COQ8B: variants seen among roughly 807,000 people sequenced by gnomAD.
COQ8B encodes atypical kinase COQ8B, mitochondrial.
COQ8B carries 44 observed loss-of-function variants against 62.0 expected under a neutral mutation model. The ratio of observed to expected loss-of-function variants is 0.71; its 90% CI spans 0.56 to 0.91. COQ8B has a LOEUF of 0.91. Among genes scored for constraint, COQ8B ranks in the 40% least tolerant of loss-of-function variants. The pLI, the probability that COQ8B is intolerant of heterozygous loss-of-function variation, is 0.00. For missense variants in COQ8B, 649 were observed against 731.6 expected, an observed-to-expected ratio of 0.89 and a Z score of 1.30; for synonymous variants, 252 against 289.9, an observed-to-expected ratio of 0.87 and a Z score of 1.33.
At position 40,705,402 on chromosome 19, in the gene COQ8B, T is replaced by C. The variant is rs373602478; in HGVS notation, c.413A>G (p.Asn138Ser). 4 of 1,594,392 alleles carry C rather than the reference T, an allele frequency of 2.5e-6. No individual in the cohort carries two copies. Among genetic ancestry groups the C allele is most frequent in the East Asian group, 2.3e-5 (1 of 44,154 alleles). ...TAAGGTCTGCACAATCCGCTCGGCA[T>C]TGGCCTCCGACAGGAAGGGGCTGGA... ...LDSSPFLSEA[N>S]AERIVQTLCT... The change falls in exon 6 of 15, where the codon AAT (asparagine) becomes AGT (serine). Residue 138 changes from asparagine to serine, a missense_variant. Physicochemically the swap from Asn to Ser is conservative, Grantham distance 46 (BLOSUM62 1). Coordinates refer to ENST00000324464, the MANE Select transcript of COQ8B (RefSeq NM_024876.4).
chr19:40,713,474 G>A (rs908118288), intron 4 of COQ8B, among the ~76,000 whole-genome samples: 3 of 151,884 alleles, frequency 2.0e-5, no homozygotes, highest in African/African-American at 7.3e-5. Context: ...GCTTGAACCC[G>A]GGAGGTGGAG....
At chr19:40,712,491 G>A (rs982070316) in intron 4 of COQ8B, among the ~76,000 whole-genome samples, 2 of 152,022 alleles carry the variant, frequency 1.3e-5, no homozygotes, top group Admixed American at 6.6e-5. Context: ...AGGAGGCTGA[G>A]GCAGGAGAAT....
At chr19:40,713,738 A>AC (rs1383234931) in intron 4 of COQ8B, among the ~76,000 whole-genome samples, 2 of 145,010 alleles carry the variant, frequency 1.4e-5, no homozygotes, top group Non-Finnish European at 3.0e-5. Context: ...AAAAAAAATT[A>AC]CCCGGGCGGA....
intron 5 of COQ8B, among the ~76,000 whole-genome samples, chr19:40,709,255 T>C (rs547214244): frequency 1.3e-5 from 2 of 152,326 alleles, no homozygotes; most frequent in South Asian, 4.1e-4. Context: ...CAAAAAGTCT[T>C]TCATGGCTGT....
At position 40,703,562 on chromosome 19, in the gene COQ8B, T is replaced by C; in HGVS notation, c.778A>G (p.Met260Val). ...DVQNLLAVLKMSAALPAGLFA... is the reference protein window; with the variant it reads ...DVQNLLAVLKVSAALPAGLFA... ...TCACCCGCGGGCAGGGCCGCGCTCA[T>C]CTTGAGTACCGCCAGCAGGTTCTGG... Residue 260 changes from methionine to valine, a missense_variant, in exon 9 of 15, where the codon ATG becomes GTG. By Grantham distance (21) the Met-to-Val change is conservative (BLOSUM62 1). Transcript: ENST00000324464. 2 of 1,609,046 alleles carry C rather than the reference T, an allele frequency of 1.2e-6. No homozygotes were observed. Among genetic ancestry groups the C allele is most frequent in the East Asian group, 2.2e-5 (1 of 44,738 alleles).
In COQ8B at chr19:40,710,155, A is replaced by T. The variant is rs370962456; in HGVS notation, c.290-19T>A. ...GCCAGTCCTGGAGTGCAAGAGAAGA[A>T]CATGAGTGCCCGTTTGCCTGGGGTG... On this transcript the variant is annotated intron_variant, in intron 4 of 14. Transcript: ENST00000324464. 3 of 1,613,326 alleles carry T rather than the reference A, an allele frequency of 1.9e-6. No homozygotes were observed. The highest frequency in any genetic ancestry group is 2.5e-6 in the Non-Finnish European group (3 of 1,179,434).
chr19:40,697,291 T>C (rs2082021816), intron 12 of COQ8B, among the ~76,000 whole-genome samples: 3 of 152,030 alleles, frequency 2.0e-5, no homozygotes. Context: ...TTGAAACATT[T>C]TTTGTAGAGA....
intron 12 of COQ8B, among the ~76,000 whole-genome samples, chr19:40,697,079 TA>T (rs1275639372): frequency 1.3e-5 from 2 of 152,096 alleles, no homozygotes; most frequent in African/African-American, 4.8e-5. Context: ...TCCTTCTTTT[TA>T]AATATGTTTA....
At chr19:40,697,849 TATAGAG>T (rs2082027876) in intron 12 of COQ8B, among the ~76,000 whole-genome samples, 1 of 60,722 alleles carries the variant, frequency 1.6e-5, no homozygotes, top group African/African-American at 8.1e-5. Context: ...TATATATATA[TATAGAG>T]AGAGAGAGAG....
At chr19:40,705,044 C>T in intron 7 of COQ8B, 52 bp downstream of exon 7, 1 of 1,510,798 alleles carries the variant, frequency 6.6e-7, no homozygotes. Flanking sequence ...TCAGGCAGGT[C>T]AGAGGAGATG....
intron 4 of COQ8B, among the ~76,000 whole-genome samples, chr19:40,710,656 A>G (rs2144712657): frequency 6.6e-6 from 1 of 151,948 alleles, no homozygotes; most frequent in East Asian, 1.9e-4. Flanking sequence ...CCCTTTCTCC[A>G]TGTCTCTGTC....
In COQ8B at chr19:40,703,458, C is replaced by G. The variant is rs1599631196; in HGVS notation, c.799+83G>C. 4.3e-6 allele frequency: 6 copies of G among 1,397,440 alleles called. No individual in the cohort carries two copies. The South Asian group carries it at 5.8e-5, about 14-fold the overall frequency. 86.6% of individuals were successfully genotyped at this position (1,397,440 alleles called of 1,614,324 possible). A position where few individuals can be genotyped will look rare whatever the true frequency, so the allele number is the denominator to read the frequency against. On this transcript the variant is annotated intron_variant, in intron 9 of 14. Transcript: ENST00000324464. ...AACGCCAGCACACCCTGCCCGTGCT[C>G]TCCTCTGGGCTCCCCCTCCTGCTTT...
chr19:40,697,875 G>GAGAGAGAGAGAGAGAGAGAGAGAGC (rs58313890), intron 12 of COQ8B, among the ~76,000 whole-genome samples: 8 of 103,472 alleles, frequency 7.7e-5, no homozygotes, highest in Admixed American at 1.9e-4. Flanking sequence ...GAGAGAGAGA[G>GAGAGAGAGAGAGAGAGAGAGAGAGC]AGTTTCTACT....
Position 40,703,549 on chromosome 19 carries a change from A to C in COQ8B, c.791T>G (p.Leu264Arg). ...GTGGGTGGGCGCCTCACCCGCGGGC[A>C]GGGCCGCGCTCATCTTGAGTACCGC... ...LLAVLKMSAA[L>R]PAGLFAEQSL... The change falls in exon 9 of 15, where the codon CTG becomes CGG. Residue 264 changes from leucine to arginine, a missense_variant. Leu to Arg is a moderately radical substitution (Grantham distance 102). Coordinates refer to ENST00000324464, the MANE Select transcript of COQ8B (RefSeq NM_024876.4). 6.2e-7 allele frequency: 1 copy of C among 1,601,280 alleles called. No individual in the cohort carries two copies. The highest frequency in any genetic ancestry group is 8.5e-7 in the Non-Finnish European group (1 of 1,172,034).
chr19:40,700,470 G>C lies in COQ8B; in HGVS notation c.894-19C>G, dbSNP rs764395676. ...CAGCTGCCTGGGGCAGAAGGAAAGGGAGGAAGGGGACTTCGTGCTTCAGGC... is the reference window on the plus strand; with the variant it reads ...CAGCTGCCTGGGGCAGAAGGAAAGGCAGGAAGGGGACTTCGTGCTTCAGGC... On this transcript the variant is annotated intron_variant, in intron 10 of 14. Transcript: ENST00000324464. The C allele has an allele frequency of 5.0e-6, 8 of 1,610,082 alleles. No homozygotes were observed. The highest frequency in any genetic ancestry group is 6.8e-6 in the Non-Finnish European group (8 of 1,178,348).
chr19:40,704,646 G>C (rs527372728), intron 7 of COQ8B: 1 of 155,732 alleles, frequency 6.4e-6, no homozygotes, highest in Non-Finnish European at 1.4e-5. Flanking sequence ...CGGAATCCTG[G>C]ATTCCATGCC....
In COQ8B at chr19:40,705,139, C is replaced by T. The variant is rs771548569; in HGVS notation, c.533G>A (p.Arg178Gln). Residue 178 changes from arginine to glutamine, a missense_variant, in exon 7 of 15, where the codon CGG becomes CAG. Transcript: ENST00000324464. Reference sequence around the variant, plus strand: ...CATGAAGTCGGCGCTCTGGCGGACCCGCTCAAAGATGTGCTGCAGCTGAGG... The same window carrying T: ...CATGAAGTCGGCGCTCTGGCGGACCTGCTCAAAGATGTGCTGCAGCTGAGG... ...ISPQLQHIFE[R>Q]VRQSADFMPR... The T allele has an allele frequency of 1.7e-5, 27 of 1,612,962 alleles. No individual in the cohort carries two copies. The highest frequency in any genetic ancestry group is 3.3e-5 in the Admixed American group (2 of 59,768).
At chr19:40,709,491 T>A (rs2082124710) in intron 5 of COQ8B, among the ~76,000 whole-genome samples, 1 of 152,228 alleles carries the variant, frequency 6.6e-6, no homozygotes, top group African/African-American at 2.4e-5. Context: ...GCACTTCTAT[T>A]TTCAGCTTTC....
intron 9 of COQ8B, 69 bp downstream of exon 9, chr19:40,703,472 C>T: frequency 6.8e-7 from 1 of 1,470,820 alleles, no homozygotes; most frequent in Non-Finnish European, 9.1e-7. Context: ...TCTGGGCTCC[C>T]CCTCCTGCTT....
Sources: gnomAD v4.1 joint callset for allele counts (sites outside exome capture counted in the v4.1 genomes callset) on GRCh38, gnomAD v4.1.1 for gene constraint, MANE v1.5 for transcripts, NCBI Gene and HGNC (gene_info 2026-07-23, HGNC 2026-07-21) for gene names.